CNOT9: variants seen among roughly 807,000 people sequenced by gnomAD.
CNOT9 encodes RCD1 required for cell differentiation1 homolog.
In CNOT9, 8 loss-of-function variants were observed where a neutral mutation model predicts 37.4. That is an observed-to-expected ratio of 0.21 (90% CI 0.13 to 0.39). The LOEUF (loss-of-function observed/expected upper bound fraction) is 0.39, where lower values mean the gene tolerates loss of function less well. Among genes scored for constraint, CNOT9 ranks in the 10% least tolerant of loss-of-function variants. The pLI is 1.00. For synonymous variants in CNOT9, 120 were observed against 137.6 expected (o/e 0.87, Z 0.90); for missense variants, 154 against 365.3 (o/e 0.42, Z 4.71).
chr2:218,583,269 CT>C (rs2106089826), intron 3 of CNOT9, among the ~76,000 whole-genome samples, 183 bp downstream of exon 3: 1 of 71,754 alleles, frequency 1.4e-5, no homozygotes, highest in African/African-American at 4.8e-5. Flanking sequence ...CTCTCTCTCT[CT>C]CTCTCTCTCT....
At chr2:218,569,105 C>A in intron 1 of CNOT9, 127 bp downstream of exon 1, 1 of 984,264 alleles carries the variant, frequency 1.0e-6, no homozygotes, top group Non-Finnish European at 1.5e-6. Context: ...TCCAAGGCCC[C>A]GGTTCCCCTC....
intron 1 of CNOT9, among the ~76,000 whole-genome samples, chr2:218,575,351 A>C (rs763871254): frequency 3.3e-5 from 5 of 150,366 alleles, no homozygotes; most frequent in Non-Finnish European, 6.0e-5. Flanking sequence ...TTTTCTGAGT[A>C]AAAGATCCAC....
chr2:218,590,395 G>GT (rs1469277184), intron 5 of CNOT9, among the ~76,000 whole-genome samples: 7 of 152,126 alleles, frequency 4.6e-5, no homozygotes, highest in African/African-American at 1.7e-4. Context: ...GTGTACATAG[G>GT]TAAAAATTCA....
chr2:218,577,243 A>T lies in CNOT9; in HGVS notation c.25-3318A>T, dbSNP rs79691056. On this transcript the variant is annotated intron_variant, in intron 1 of 7. Transcript: ENST00000273064. ...TTTTTATTTTTAAAAAATTGTATTCATCCCATGACAGGTGGGTATTCAGTT... is the reference window on the plus strand; with the variant it reads ...TTTTTATTTTTAAAAAATTGTATTCTTCCCATGACAGGTGGGTATTCAGTT... Among the ~76,000 whole-genome samples, 1,374 of 152,292 alleles carry T rather than the reference A, an allele frequency of 9.0e-3. 16 individuals are homozygous for T. The highest frequency in any genetic ancestry group is 0.013 in the Non-Finnish European group (877 of 68,026).
chr2:218,580,839 T>C, intron 2 of CNOT9, 99 bp downstream of exon 2: 1 of 1,161,830 alleles, frequency 8.6e-7, no homozygotes, highest in Non-Finnish European at 1.2e-6. Flanking sequence ...GGAGGATGAT[T>C]CTTTAAAAAA....
At chr2:218,589,723 G>A (rs1694712531) in intron 5 of CNOT9, among the ~76,000 whole-genome samples, 2 of 152,160 alleles carry the variant, frequency 1.3e-5, no homozygotes, top group African/African-American at 4.8e-5. Flanking sequence ...GCACACTATA[G>A]CCTTGAACTC....
intron 1 of CNOT9, among the ~76,000 whole-genome samples, chr2:218,580,064 G>A (rs917550738): frequency 6.7e-6 from 1 of 150,076 alleles, no homozygotes; most frequent in Non-Finnish European, 1.5e-5. Flanking sequence ...CACCTCCCAA[G>A]TTCAAGCAAT....
chr2:218,591,240 C>A (rs1694764340), intron 5 of CNOT9, among the ~76,000 whole-genome samples: 1 of 152,032 alleles, frequency 6.6e-6, no homozygotes, highest in Admixed American at 6.6e-5. Flanking sequence ...TGATGAGCAG[C>A]CAAGAAAGAG....
chr2:218,581,574 T>C (rs540951807), intron 2 of CNOT9, among the ~76,000 whole-genome samples: 122 of 152,318 alleles, frequency 8.0e-4, no homozygotes, highest in Admixed American at 2.6e-3. Context: ...GAATGGTCAC[T>C]GGTGGCTAAT....
chr2:218,596,344 TAA>T lies in CNOT9; in HGVS notation c.*2070_*2071del, dbSNP rs1302954805. 6.6e-6 allele frequency: 1 copy of T among 152,206 alleles called. No homozygotes were observed. Among genetic ancestry groups the T allele is most frequent in the Non-Finnish European group, 1.5e-5 (1 of 68,044 alleles). The allele number at this position is 152,206 out of a possible 1,614,324, so 9.4% of individuals were successfully genotyped here. On this transcript the variant is annotated 3_prime_UTR_variant, in exon 8 of 8. Transcript: ENST00000273064. ...AGTTGATCCTGGTGTGTGTATTATA[TAA>T]AGAGACCCCTCCCCTTATTTTGTGT...
At position 218,568,893 on chromosome 2, in the gene CNOT9, C is replaced by G; in HGVS notation, c.-62C>G. The stretch of plus-strand genomic sequence containing the variant: ...CTCATTGTTTTCCGCTGCAGGGGTG[C>G]TGAAGGGGGGACGCGGGTCGGACGC... On this transcript the variant is annotated 5_prime_UTR_variant, in exon 1 of 8. Transcript: ENST00000273064. 6.3e-7 allele frequency: 1 copy of G among 1,576,352 alleles called. No individual in the cohort carries two copies. The highest frequency in any genetic ancestry group is 1.3e-5 in the African/African-American group (1 of 74,136).
In CNOT9 at chr2:218,593,712, C is replaced by A. The variant is rs1229010629; in HGVS notation, c.732-396C>A. 3.1e-5 allele frequency: 38 copies of A among 1,237,970 alleles called. No homozygotes were observed. The East Asian group carries it at 9.5e-4, about 31-fold the overall frequency. The allele number at this position is 1,237,970 out of a possible 1,614,324, so 76.7% of individuals were successfully genotyped here. ...GATAACTTAGTATAGAATTAAAATT[C>A]ATTAAGTTATCATAAGTTTGATGAT... On this transcript the variant is annotated intron_variant, in intron 7 of 7. Coordinates refer to ENST00000273064, the MANE Select transcript of CNOT9 (RefSeq NM_005444.3).
At chr2:218,591,121 C>T (rs1694759768) in intron 5 of CNOT9, among the ~76,000 whole-genome samples, 1 of 152,092 alleles carries the variant, frequency 6.6e-6, no homozygotes, top group South Asian at 2.1e-4. Context: ...TTTAAGGTAA[C>T]ATTTGCAGAG....
chr2:218,596,035 C>G lies in CNOT9; in HGVS notation c.*1759C>G, dbSNP rs1694918342. On this transcript the variant is annotated 3_prime_UTR_variant, in exon 8 of 8. Transcript: ENST00000273064. ...AATGGACTGGATAGACATCTTGACT[C>G]TATTCAGCCCGTAGTCTGTGATCTG... The G allele has an allele frequency of 1.3e-5, 2 of 152,148 alleles. No homozygotes were observed. The highest frequency in any genetic ancestry group is 2.4e-5 in the African/African-American group (1 of 41,428). The allele number at this position is 152,148 out of a possible 1,614,324, so 9.4% of individuals were successfully genotyped here.
intron 1 of CNOT9, among the ~76,000 whole-genome samples, chr2:218,578,940 G>C (rs918392731): frequency 6.6e-6 from 1 of 152,190 alleles, no homozygotes; most frequent in African/African-American, 2.4e-5. Flanking sequence ...TATTAAGTAT[G>C]TATTTCCTAC....
intron 1 of CNOT9, among the ~76,000 whole-genome samples, chr2:218,580,114 G>A (rs989189084): frequency 1.3e-5 from 2 of 151,674 alleles, no homozygotes; most frequent in South Asian, 2.1e-4. Context: ...GATTACAGGC[G>A]CCCATCACCA....
In CNOT9 at chr2:218,568,920, T is replaced by A; in HGVS notation, c.-35T>A. 6.2e-7 allele frequency: 1 copy of A among 1,602,792 alleles called. No homozygotes were observed. The highest frequency in any genetic ancestry group is 2.3e-5 in the East Asian group (1 of 44,136). On this transcript the variant is annotated 5_prime_UTR_variant, in exon 1 of 8. Transcript: ENST00000273064. ...GAAGGGGGGACGCGGGTCGGACGCG[T>A]CCGGCTGTGGAAGAGAGCGGCGGCC... is the stretch of plus-strand genomic sequence containing the variant.
intron 7 of CNOT9, chr2:218,593,205 T>C: frequency 3.9e-6 from 1 of 258,748 alleles, no homozygotes; most frequent in Non-Finnish European, 7.4e-6. Context: ...ATGTTTGACC[T>C]TTTGCTTTGT....
At chr2:218,581,213 G>T (rs1574989774) in intron 2 of CNOT9, 1 of 281,854 alleles carries the variant, frequency 3.5e-6, no homozygotes, top group Non-Finnish European at 7.2e-6. Flanking sequence ...CTGTCGCCCA[G>T]ACTAGAGTGC....
Sources: gnomAD v4.1 joint callset for allele counts (sites outside exome capture counted in the v4.1 genomes callset) on GRCh38, gnomAD v4.1.1 for gene constraint, MANE v1.5 for transcripts, NCBI Gene and HGNC (gene_info 2026-07-23, HGNC 2026-07-21) for gene names.